The following SNRPN variants were observed in gnomAD, a reference collection of about 807,000 sequenced individuals.
SNRPN encodes small nuclear ribonucleoprotein polypeptide N.
SNRPN carries 7 observed loss-of-function variants against 25.2 expected under a neutral mutation model. The observed-to-expected ratio is 0.28, with a 90% CI of 0.16 to 0.52. The LOEUF is 0.52. Ranked by LOEUF, SNRPN falls within the 20% of genes least tolerant of loss-of-function variation. The pLI is 0.96. For synonymous variants in SNRPN, 124 were observed against 110.6 expected, an observed-to-expected ratio of 1.12 and a Z score of -0.76; for missense variants, 196 against 322.5, an observed-to-expected ratio of 0.61 and a Z score of 3.00.
At chr15:24,918,574 A>G (rs28576447) in intron 2 of SNRPN, among the ~76,000 whole-genome samples, 5,526 of 45,380 alleles carry the variant, frequency 0.12, 599 homozygotes, top group African/African-American at 0.29. Context: ...ATATATATGT[A>G]TATATATAAC....
intron 1 of SNRPN, among the ~76,000 whole-genome samples, chr15:24,886,054 A>G (rs982841931): frequency 6.6e-6 from 1 of 151,218 alleles, no homozygotes; most frequent in East Asian, 1.9e-4. Flanking sequence ...TTAACCAAAC[A>G]TTAGTCAGGC....
intron 1 of SNRPN, among the ~76,000 whole-genome samples, chr15:24,880,310 G>A (rs2056454967): frequency 5.3e-5 from 8 of 152,102 alleles, no homozygotes; most frequent in Admixed American, 5.2e-4. Flanking sequence ...GGTGGTGGAG[G>A]GATGGGAGGA....
intron 1 of SNRPN, among the ~76,000 whole-genome samples, chr15:24,876,076 A>C (rs1226864477): frequency 6.6e-6 from 1 of 151,904 alleles, no homozygotes; most frequent in Admixed American, 6.6e-5. Context: ...AAAAAAACAA[A>C]AAAAATAAAA....
At chr15:24,926,462 A>G (rs1300134818) in intron 3 of SNRPN, among the ~76,000 whole-genome samples, 1 of 152,142 alleles carries the variant, frequency 6.6e-6, no homozygotes, top group African/African-American at 2.4e-5. Flanking sequence ...GAAGTGTGCT[A>G]GTTTGAATGA....
intron 1 of SNRPN, among the ~76,000 whole-genome samples, chr15:24,867,354 A>G (rs181725946): frequency 2.2e-4 from 33 of 150,844 alleles, no homozygotes; most frequent in African/African-American, 8.1e-4. Context: ...ATTTCCCTGT[A>G]TCTGTCTTTA....
intron 1 of SNRPN, among the ~76,000 whole-genome samples, chr15:24,876,021 T>C (rs12050898): frequency 0.13 from 19,696 of 149,550 alleles, 1,664 homozygotes; most frequent in East Asian, 0.37. Flanking sequence ...GCCACTGCAC[T>C]CCAGCTTGGG....
intron 1 of SNRPN, chr15:24,856,822 C>G (rs988065267): frequency 6.6e-6 from 1 of 152,154 alleles, no homozygotes; most frequent in African/African-American, 2.4e-5. Flanking sequence ...CATCTAAAAC[C>G]AACTTCGCAT....
At chr15:24,955,827 C>T (rs1357153878) in intron 1 of SNRPN, among the ~76,000 whole-genome samples, 1 of 150,508 alleles carries the variant, frequency 6.6e-6, no homozygotes, top group South Asian at 2.1e-4. Flanking sequence ...CGGCGGTAGG[C>T]ATGGCGGCGG....
intron 2 of SNRPN, among the ~76,000 whole-genome samples, chr15:24,844,266 G>A (rs8029389): frequency 0.11 from 16,982 of 152,010 alleles, 1,019 homozygotes; most frequent in Middle Eastern, 0.17. Context: ...ACATCTTCCT[G>A]CTGATAATGG....
In SNRPN at chr15:24,871,250, G is replaced by T. The variant is rs181912072; in HGVS notation, c.-579+14534G>T. On this transcript the variant is annotated intron_variant, in intron 1 of 11. Transcript: ENST00000400097. ...TTCACTGTTTGTATTATAAAGTTAT[G>T]CAGGGTTTCAAAAACAATATGATGT... is the stretch of plus-strand genomic sequence containing the variant. Among the ~76,000 whole-genome samples, 72 of 151,940 alleles carry T rather than the reference G, an allele frequency of 4.7e-4. 2 individuals carry two copies. Among genetic ancestry groups the T allele is most frequent in the Admixed American group, 2.4e-3 (37 of 15,228 alleles).
intron 1 of SNRPN, among the ~76,000 whole-genome samples, chr15:24,865,903 C>T (rs548294913): frequency 8.5e-5 from 13 of 152,244 alleles, no homozygotes; most frequent in Non-Finnish European, 7.4e-5. Flanking sequence ...GGTTTCCCTG[C>T]GGTCCTGTCT....
intron 1 of SNRPN, among the ~76,000 whole-genome samples, chr15:24,878,898 C>T (rs2056296811): frequency 2.0e-5 from 3 of 151,708 alleles, no homozygotes; most frequent in Admixed American, 2.0e-4. Flanking sequence ...ACTAATATAC[C>T]TTTAATATGA....
intron 3 of SNRPN, among the ~76,000 whole-genome samples, chr15:24,932,392 G>A (rs2060932972): frequency 6.6e-6 from 1 of 151,964 alleles, no homozygotes; most frequent in East Asian, 2.0e-4. Context: ...TCGCCACCAC[G>A]ACTGGCCAAT....
In SNRPN at chr15:24,889,906, C is replaced by T. The variant is rs181116149; in HGVS notation, c.-505+3317C>T. ...CTCTACTAAAAATACAAAAATTAGC[C>T]GGGTGTGGTGGTACACGCTTGTAGT... On this transcript the variant is annotated intron_variant, in intron 2 of 11. Coordinates refer to the SNRPN transcript ENST00000400097. 1.5e-3 allele frequency among the ~76,000 whole-genome samples: 226 copies of T among 151,360 alleles called. 1 individual carries two copies. The highest frequency in any genetic ancestry group is 3.0e-3 in the Admixed American group (45 of 15,194).
At chr15:24,871,028 G>A (rs1051621387) in intron 1 of SNRPN, among the ~76,000 whole-genome samples, 5 of 151,568 alleles carry the variant, frequency 3.3e-5, no homozygotes, top group Admixed American at 6.6e-5. Flanking sequence ...TTACAGGCAC[G>A]CACCACCACG....
intron 3 of SNRPN, among the ~76,000 whole-genome samples, chr15:24,928,757 C>T (rs1225089259): frequency 3.3e-5 from 5 of 151,984 alleles, no homozygotes; most frequent in Non-Finnish European, 5.9e-5. Context: ...AGGCACATGC[C>T]ATCATGCCTA....
chr15:24,963,489 C>T (rs368516074), intron 2 of SNRPN, among the ~76,000 whole-genome samples: 3 of 152,046 alleles, frequency 2.0e-5, no homozygotes, highest in African/African-American at 7.2e-5. Context: ...GTGGCACGTG[C>T]CTGTAATCCC....
chr15:24,945,236 T>C (rs762439071), intron 3 of SNRPN, among the ~76,000 whole-genome samples: 1 of 151,614 alleles, frequency 6.6e-6, no homozygotes, highest in Non-Finnish European at 1.5e-5. Flanking sequence ...ACACTTTATT[T>C]ATAGATACTA....
In SNRPN at chr15:24,909,863, G is replaced by A. The variant is rs1233792145; in HGVS notation, c.-504-10148G>A. On this transcript the variant is annotated intron_variant, in intron 2 of 11. Transcript: ENST00000400097. ...AGACCCGCGTCCACAGCTCAACAGA[G>A]ACCAGCAGGCACAGCGGCGCTGGGG... The A allele has an allele frequency of 9.6e-6, 8 of 829,260 alleles. No individual in the cohort carries two copies. The East Asian group carries it at 2.0e-4, about 20-fold the overall frequency. The allele number at this position is 829,260 out of a possible 1,614,324, so 51.4% of individuals were successfully genotyped here.
Sources: gnomAD v4.1 joint callset for allele counts (sites outside exome capture counted in the v4.1 genomes callset) on GRCh38, gnomAD v4.1.1 for gene constraint, MANE v1.5 for transcripts, NCBI Gene and HGNC (gene_info 2026-07-23, HGNC 2026-07-21) for gene names.